The following KCNQ4 variants were observed in gnomAD, a reference collection of about 807,000 sequenced individuals.
KCNQ4 encodes potassium voltage-gated channel subfamily Q member 4, also known as potassium voltage-gated channel subfamily KQT member 4.
KCNQ4 carries 31 observed loss-of-function variants against 72.6 expected under a neutral mutation model. The ratio of observed to expected loss-of-function variants is 0.43; its 90% CI spans 0.32 to 0.58. KCNQ4 has a LOEUF of 0.58. Among genes scored for constraint, KCNQ4 ranks in the 20% least tolerant of loss-of-function variants. KCNQ4 has a pLI of 0.08. For synonymous variants in KCNQ4, 405 were observed against 403.7 expected, an observed-to-expected ratio of 1.00 and a Z score of -0.04; for missense variants, 869 against 962.6, an observed-to-expected ratio of 0.90 and a Z score of 1.29.
chr1:40,823,907 C>T lies in KCNQ4; in HGVS notation c.1131-190C>T, dbSNP rs3767939. The stretch of plus-strand genomic sequence containing the variant: ...CATCCATGCTTGGCATCCCTGGGAA[C>T]TGGGGGTAGAAAGGGAGTGGGGAAG... On this transcript the variant is annotated intron_variant, in intron 8 of 13. Transcript: ENST00000347132. Among the ~76,000 whole-genome samples the T allele has an allele frequency of 0.32, 49,193 of 152,090 alleles. 8,854 individuals carry two copies. The highest frequency in any genetic ancestry group is 0.42 in the Middle Eastern group (124 of 294).
At chr1:40,809,212 G>C (rs910906909) in intron 1 of KCNQ4, among the ~76,000 whole-genome samples, 1 of 152,114 alleles carries the variant, frequency 6.6e-6, no homozygotes, top group Non-Finnish European at 1.5e-5. Context: ...CCCAGTCTGC[G>C]TAGAGGGCCT....
At position 40,838,938 on chromosome 1, in the gene KCNQ4, C is replaced by T. The variant is rs1399694448; in HGVS notation, c.*415C>T. 1 of 279,308 alleles carries T rather than the reference C, an allele frequency of 3.6e-6. No individual in the cohort carries two copies. Among genetic ancestry groups the T allele is most frequent in the East Asian group, 8.6e-5 (1 of 11,668 alleles). The allele number at this position is 279,308 out of a possible 1,614,324, so 17.3% of individuals were successfully genotyped here. A position where few individuals can be genotyped will look rare whatever the true frequency, so the allele number is the denominator to read the frequency against. Reference sequence around the variant, plus strand: ...CCTTCGGACACAGCAGGGAAGCCCTCCCGCCAAGTCCCCGCCCCACTTGGG... The same window carrying T: ...CCTTCGGACACAGCAGGGAAGCCCTTCCGCCAAGTCCCCGCCCCACTTGGG... On this transcript the variant is annotated 3_prime_UTR_variant, in exon 14 of 14. Coordinates refer to ENST00000347132, the MANE Select transcript of KCNQ4 (RefSeq NM_004700.4).
intron 8 of KCNQ4, 67 bp downstream of exon 8, chr1:40,822,469 G>A: frequency 1.5e-6 from 2 of 1,317,046 alleles, no homozygotes; most frequent in Non-Finnish European, 2.1e-6. Context: ...ACAAGTGGCT[G>A]AGACTCAACC....
chr1:40,838,695 C>T lies in KCNQ4; in HGVS notation c.*172C>T, dbSNP rs973080236. The T allele has an allele frequency of 7.1e-5, 48 of 673,382 alleles. No individual in the cohort carries two copies. The highest frequency in any genetic ancestry group is 2.7e-5 in the East Asian group (1 of 36,796). 41.7% of individuals were successfully genotyped at this position (673,382 alleles called of 1,614,324 possible). ...GCGTGGTACCTGCTGTGGGTGCCAG[C>T]GCCCCTTCCCCACCTCAGGAGCGTG... On this transcript the variant is annotated 3_prime_UTR_variant, in exon 14 of 14. Coordinates refer to ENST00000347132, the MANE Select transcript of KCNQ4 (RefSeq NM_004700.4).
chr1:40,798,711 C>T (rs1007378079), intron 1 of KCNQ4, among the ~76,000 whole-genome samples: 1 of 152,216 alleles, frequency 6.6e-6, no homozygotes, highest in African/African-American at 2.4e-5. Context: ...CGAGACCCAT[C>T]GTCAGCTGGG....
rs1300681003 is a variant in KCNQ4 at position 40,838,791 on chromosome 1, C to T, written c.*268C>T. 6 of 563,198 alleles carry T rather than the reference C, an allele frequency of 1.1e-5. No homozygotes were observed. Among genetic ancestry groups the T allele is most frequent in the South Asian group, 8.0e-5 (4 of 50,100 alleles). 34.9% of individuals were successfully genotyped at this position (563,198 alleles called of 1,614,324 possible). ...CCTCTGGGCCCCCCAGTGCCCTGCC[C>T]ACTCCATCAAGGCCCTATGTGGCCC... On this transcript the variant is annotated 3_prime_UTR_variant, in exon 14 of 14. Transcript: ENST00000347132.
chr1:40,827,538 G>T (rs537991549), intron 9 of KCNQ4, among the ~76,000 whole-genome samples: 1 of 152,208 alleles, frequency 6.6e-6, no homozygotes, highest in African/African-American at 2.4e-5. Flanking sequence ...TAAAAGCCCA[G>T]TGTGAGCTTC....
At chr1:40,818,723 G>A (rs1418296730) in intron 4 of KCNQ4, 43 bp downstream of exon 4, 1 of 1,553,744 alleles carries the variant, frequency 6.4e-7, no homozygotes, top group Non-Finnish European at 8.7e-7. Flanking sequence ...GGGCGTGTCT[G>A]GGGCACGACC....
rs529621940 is a variant in KCNQ4 at position 40,830,963 on chromosome 1, C to T, written c.1293-121C>T. 32 of 804,680 alleles carry T rather than the reference C, an allele frequency of 4.0e-5. No homozygotes were observed. The Admixed American group carries it at 4.3e-4, about 11-fold the overall frequency. The allele number at this position is 804,680 out of a possible 1,614,324, so 49.8% of individuals were successfully genotyped here. A position where few individuals can be genotyped will look rare whatever the true frequency, so the allele number is the denominator to read the frequency against. On this transcript the variant is annotated intron_variant, in intron 9 of 13. Coordinates refer to ENST00000347132, the MANE Select transcript of KCNQ4 (RefSeq NM_004700.4). ...TCCTTGTTCCATCCCAAGAAGTCTC[C>T]GCTTGGCGGGGAATCCAGACCTAAT...
chr1:40,820,313 G>C, intron 7 of KCNQ4, 53 bp downstream of exon 7: 2 of 1,426,912 alleles, frequency 1.4e-6, no homozygotes, highest in Admixed American at 3.9e-5. Flanking sequence ...GACTGCACTG[G>C]TGTGTCAACC....
Position 40,831,130 on chromosome 1 carries a change from C to T in KCNQ4, c.1339C>T (p.Arg447Trp), listed in dbSNP as rs758333323. The part of the protein sequence containing the change: ...KDRIRMGSSQ[R>W]RTGPSKQHLA... ...CCGCATCCGCATGGGCAGCTCCCAG[C>T]GGCGGACGGGTCCTTCCAAGCAGCA... Residue 447 changes from arginine to tryptophan, a missense_variant, in exon 10 of 14, where the codon CGG becomes TGG. Physicochemically the swap from Arg to Trp is moderately radical, Grantham distance 101. Transcript: ENST00000347132. 2.3e-5 allele frequency: 37 copies of T among 1,609,882 alleles called. 1 individual carries two copies. Among genetic ancestry groups the T allele is most frequent in the East Asian group, 1.6e-4 (7 of 44,732 alleles).
rs184894717 is a variant in KCNQ4, at chr1:40,786,073, A to G, written c.314+1666A>G. ...TATAAAGAGGCCCGTTGGAGTGAGGAAGGCCCAGGGCTGGTGGAGTTGGGG... is the reference window on the plus strand; with the variant it reads ...TATAAAGAGGCCCGTTGGAGTGAGGGAGGCCCAGGGCTGGTGGAGTTGGGG... On this transcript the variant is annotated intron_variant, in intron 1 of 13. Transcript: ENST00000347132. 4.1e-3 allele frequency among the ~76,000 whole-genome samples: 630 copies of G among 152,214 alleles called. 6 individuals carry two copies. Among genetic ancestry groups the G allele is most frequent in the African/African-American group, 0.014 (582 of 41,530 alleles).
At chr1:40,830,169 A>G (rs1648594606) in intron 9 of KCNQ4, among the ~76,000 whole-genome samples, 1 of 152,212 alleles carries the variant, frequency 6.6e-6, no homozygotes, top group African/African-American at 2.4e-5. Flanking sequence ...CCACACAGGC[A>G]GGATGTCAAT....
rs1225792086 is a variant in KCNQ4, at chr1:40,818,594, T to G, written c.622T>G (p.Phe208Val). Residue 208 changes from phenylalanine (F) to valine (V), a missense_variant, in exon 4 of 14, where the codon TTC becomes GTC. Physicochemically the swap from Phe to Val is conservative, Grantham distance 50. This residue lies in a region of KCNQ4 where 179 missense variants were observed against 243.0 expected (regional missense o/e 0.74). Coordinates refer to ENST00000347132, the MANE Select transcript of KCNQ4 (RefSeq NM_004700.4). ...FATSALRSMR[F>V]LQILRMVRMD... ...CACGTCCGCGCTGCGCAGCATGCGC[T>G]TCCTGCAGATCCTGCGCATGGTGCG... 1.2e-6 allele frequency: 2 copies of G among 1,606,602 alleles called. No individual in the cohort carries two copies. The highest frequency in any genetic ancestry group is 3.3e-5 in the Admixed American group (2 of 60,004).
At chr1:40,818,739 G>T in intron 4 of KCNQ4, 59 bp downstream of exon 4, 4 of 1,530,176 alleles carry the variant, frequency 2.6e-6, no homozygotes, top group Non-Finnish European at 3.5e-6. Context: ...CGACCAGAGC[G>T]GGCAGGGCGG....
At chr1:40,818,437 G>C in intron 3 of KCNQ4, 68 bp from the exon 4 acceptor site, 2 of 1,404,290 alleles carry the variant, frequency 1.4e-6, no homozygotes, top group South Asian at 2.3e-5. Context: ...CACATCCCCA[G>C]AAGTCCCCGC....
rs1570797815 is a variant in KCNQ4 at position 40,788,419 on chromosome 1, T to C, written c.314+4012T>C. ...TGGCCACCGGGCTTGGCTCTTGGAGTCTGAAATGAAATCTCTGGTTGTGTG... is the reference window on the plus strand; with the variant it reads ...TGGCCACCGGGCTTGGCTCTTGGAGCCTGAAATGAAATCTCTGGTTGTGTG... On this transcript the variant is annotated intron_variant, in intron 1 of 13. Coordinates refer to ENST00000347132, the MANE Select transcript of KCNQ4 (RefSeq NM_004700.4). This position sits in a 1 kb window ranked among gnomAD's most constrained non-coding sequence, Gnocchi z 4.5. 6.6e-6 allele frequency among the ~76,000 whole-genome samples: 1 copy of C among 151,936 alleles called. No homozygotes were observed. The highest frequency in any genetic ancestry group is 6.6e-5 in the Admixed American group (1 of 15,262).
intron 1 of KCNQ4, among the ~76,000 whole-genome samples, chr1:40,790,551 G>GT (rs1429479386): frequency 6.6e-6 from 1 of 152,224 alleles, no homozygotes; most frequent in Non-Finnish European, 1.5e-5. Context: ...ATTCTCTCGT[G>GT]TAACGCTCAC....
intron 1 of KCNQ4, among the ~76,000 whole-genome samples, chr1:40,805,395 T>A (rs1647727305): frequency 6.6e-6 from 1 of 152,100 alleles, no homozygotes; most frequent in African/African-American, 2.4e-5. Context: ...GATGGTCCGC[T>A]TTCCACCTCC....
Sources: allele counts gnomAD v4.1 joint callset (sites outside exome capture counted in the v4.1 genomes callset), GRCh38; gene constraint gnomAD v4.1.1; regional missense constraint gnomAD v4.1.1; non-coding constraint Gnocchi (gnomAD v3.1); transcripts MANE v1.5; gene names NCBI Gene and HGNC (gene_info 2026-07-23, HGNC 2026-07-21).